Variants in GCGR observed in about 807,000 individuals in gnomAD.
The protein encoded by GCGR is glucagon receptor.
GCGR carries 41 observed loss-of-function variants against 56.1 expected under a neutral mutation model. The observed-to-expected ratio is 0.73, with a 90% CI of 0.57 to 0.95. GCGR has a LOEUF of 0.95. Among genes scored for constraint, GCGR ranks in the 40% least tolerant of loss-of-function variants. The probability of loss-of-function intolerance (pLI) is 0.00; values close to 1 mark genes in which losing one functional copy is unlikely to be tolerated. For synonymous variants in GCGR, 278 were observed against 271.1 expected (o/e 1.03, Z -0.25); for missense variants, 595 against 638.2 (o/e 0.93, Z 0.73).
rs776486195 is a variant in GCGR, at chr17:81,811,764, C to A, written c.771C>A (p.Thr257=). 1 of 1,538,618 alleles carries A rather than the reference C, an allele frequency of 6.5e-7. No homozygotes were observed. Among genetic ancestry groups the A allele is most frequent in the Non-Finnish European group, 8.7e-7 (1 of 1,147,938 alleles). The change falls in exon 8 of 14, where the codon ACC becomes ACA. Residue 257 remains threonine, a synonymous_variant. Transcript: ENST00000400723. This position sits in a 1 kb window ranked among gnomAD's most constrained non-coding sequence, Gnocchi z 5.8. ...LYLHNLLGLA[T]LPERSFFSLY... ...TGCACAACCTGCTGGGCCTGGCCACCCTCCCCGAGAGGAGCTTCTTCAGCC... is the reference window on the plus strand; with the variant it reads ...TGCACAACCTGCTGGGCCTGGCCACACTCCCCGAGAGGAGCTTCTTCAGCC...
intron 1 of GCGR, among the ~76,000 whole-genome samples, chr17:81,807,048 G>C (rs894613591): frequency 6.6e-6 from 1 of 151,898 alleles, no homozygotes. Context: ...CACCCAGCCC[G>C]GCTCAGTGGC....
intron 2 of GCGR, among the ~76,000 whole-genome samples, chr17:81,809,532 T>C (rs938772503): frequency 5.4e-5 from 8 of 146,900 alleles, no homozygotes; most frequent in African/African-American, 2.0e-4. Flanking sequence ...CCTGTCTGCC[T>C]GTCTGCCCGT....
rs539635331 is a variant in GCGR at position 81,809,356 on chromosome 17, C to T, written c.60+278C>T. Among the ~76,000 whole-genome samples, 154 of 149,362 alleles carry T rather than the reference C, an allele frequency of 1.0e-3. 1 individual carries two copies. Among genetic ancestry groups the T allele is most frequent in the African/African-American group, 3.3e-3 (131 of 40,282 alleles). On this transcript the variant is annotated intron_variant, in intron 2 of 13. Coordinates refer to ENST00000400723, the MANE Select transcript of GCGR (RefSeq NM_000160.5). ...TCCATCTGCCTGCCTGTCTGTCGGC[C>T]TGCCTGCCTGCCTGTCTGTCTGCTG... is the stretch of plus-strand genomic sequence containing the variant.
intron 1 of GCGR, among the ~76,000 whole-genome samples, chr17:81,805,596 C>T (rs1363448664): frequency 1.3e-5 from 2 of 150,328 alleles, no homozygotes; most frequent in Non-Finnish European, 1.5e-5. Context: ...CGGGAACCCC[C>T]GCATTGGGCA....
Position 81,811,271 on chromosome 17 carries a change from G to T in GCGR, c.443G>T (p.Gly148Val). ...YSSFQVMYTV[G>V]YSLSLGALLL... ...AGCTTCCAGGTGATGTACACAGTGGGCTACAGCCTGTCCCTGGGGGCCCTG... is the reference window on the plus strand; with the variant it reads ...AGCTTCCAGGTGATGTACACAGTGGTCTACAGCCTGTCCCTGGGGGCCCTG... Residue 148 changes from glycine to valine, a missense_variant, in exon 6 of 14, where the codon GGC becomes GTC. Gly to Val is a moderately radical substitution (Grantham distance 109). Coordinates refer to ENST00000400723, the MANE Select transcript of GCGR (RefSeq NM_000160.5). This position sits in a 1 kb window ranked among gnomAD's most constrained non-coding sequence, Gnocchi z 5.8. 6.5e-7 allele frequency: 1 copy of T among 1,536,170 alleles called. No individual in the cohort carries two copies. The highest frequency in any genetic ancestry group is 8.7e-7 in the Non-Finnish European group (1 of 1,146,756).
In GCGR at chr17:81,811,048, G is replaced by A. The variant is rs1377157654; in HGVS notation, c.310G>A (p.Gly104Ser). The A allele has an allele frequency of 8.5e-6, 13 of 1,536,090 alleles. No individual in the cohort carries two copies. The highest frequency in any genetic ancestry group is 2.0e-5 in the Admixed American group (1 of 50,992). ...CGTGTTCAAGAGATGCGGGCCCGAC[G>A]GTCAGTGGGTGCGTGGACCCCGGGG... The part of the protein sequence containing the change: ...RFVFKRCGPD[G>S]QWVRGPRGQP... The change falls in exon 5 of 14, where the codon GGT (glycine) becomes AGT (serine). Residue 104 changes from glycine to serine, a missense_variant. Coordinates refer to ENST00000400723, the MANE Select transcript of GCGR (RefSeq NM_000160.5). This position sits in a 1 kb window ranked among gnomAD's most constrained non-coding sequence, Gnocchi z 5.8.
At position 81,813,115 on chromosome 17, in the gene GCGR, G is replaced by C; in HGVS notation, c.1218+58G>C. On this transcript the variant is annotated intron_variant, in intron 13 of 13. Coordinates refer to ENST00000400723, the MANE Select transcript of GCGR (RefSeq NM_000160.5). The surrounding 1 kb of genome is among the most constrained non-coding windows in gnomAD (Gnocchi z 5.3). Reference sequence around the variant, plus strand: ...GCACTGGCCGTCGGGGTCAGGGGCAGAGAGAGGCACAGGGATGCCAGCCCC... The same window carrying C: ...GCACTGGCCGTCGGGGTCAGGGGCACAGAGAGGCACAGGGATGCCAGCCCC... The C allele has an allele frequency of 5.9e-6, 9 of 1,534,024 alleles. No homozygotes were observed. The highest frequency in any genetic ancestry group is 4.4e-6 in the Non-Finnish European group (5 of 1,146,304).
At position 81,804,831 on chromosome 17, in the gene GCGR, C is replaced by T. The variant is rs781126477; in HGVS notation, c.-178+582C>T. 6.6e-6 allele frequency among the ~76,000 whole-genome samples: 1 copy of T among 152,174 alleles called. No individual in the cohort carries two copies. Among genetic ancestry groups the T allele is most frequent in the Non-Finnish European group, 1.5e-5 (1 of 67,998 alleles). On this transcript the variant is annotated intron_variant, in intron 1 of 13. Transcript: ENST00000400723. This position sits in a 1 kb window ranked among gnomAD's most constrained non-coding sequence, Gnocchi z 8.2. The stretch of plus-strand genomic sequence containing the variant: ...CACTGCCCTGCCCGGCTCCGGCCCC[C>T]CCGGCGCCCCACCACCCGGCCGACT...
chr17:81,813,502 A>G lies in GCGR; in HGVS notation c.1247A>G (p.His416Arg), dbSNP rs137897678. ...CAGTCGGAGCTGCGGCGGCGTTGGC[A>G]CCGCTGGCGCCTGGGCAAAGTGCTA... The part of the protein sequence containing the change: ...EVQSELRRRW[H>R]RWRLGKVLWE... The change falls in exon 14 of 14, where the codon CAC (histidine) becomes CGC (arginine). Residue 416 changes from histidine to arginine, a missense_variant. Physicochemically the swap from His to Arg is conservative, Grantham distance 29 (BLOSUM62 0). Coordinates refer to ENST00000400723, the MANE Select transcript of GCGR (RefSeq NM_000160.5). This position sits in a 1 kb window ranked among gnomAD's most constrained non-coding sequence, Gnocchi z 5.3. 378 of 1,535,378 alleles carry G rather than the reference A, an allele frequency of 2.5e-4. 4 individuals are homozygous for G. The African/African-American group carries it at 4.0e-3, about 16-fold the overall frequency.
Position 81,811,231 on chromosome 17 carries a change from G to GTGCACA in GCGR, c.403_404insTGCACA (p.Ala135delinsValHisThr). On this transcript the variant is annotated protein_altering_variant, in exon 6 of 14. Coordinates refer to ENST00000400723, the MANE Select transcript of GCGR (RefSeq NM_000160.5). This position sits in a 1 kb window ranked among gnomAD's most constrained non-coding sequence, Gnocchi z 5.8. The stretch of plus-strand genomic sequence containing the variant: ...CCACTGTAACTCGCAGAAGGAGGTG[G>GTGCACA]CCAAGATGTACAGCAGCTTCCAGGT... 1 of 1,536,262 alleles carries GTGCACA rather than the reference G, an allele frequency of 6.5e-7. No homozygotes were observed. The highest frequency in any genetic ancestry group is 8.7e-7 in the Non-Finnish European group (1 of 1,146,752).
Position 81,813,642 on chromosome 17 carries a change from A to AC in GCGR, c.1392dup (p.Ala466GlyfsTer6), listed in dbSNP as rs1350606023. ...TGGCAGCCAGGATTCATCTGCGGAG[A>AC]CCCCCTTGGCTGGTGGCCTCCCTAG... On this transcript the variant is annotated frameshift_variant, in exon 14 of 14. Coordinates refer to ENST00000400723, the MANE Select transcript of GCGR (RefSeq NM_000160.5). LOFTEE classifies it low-confidence loss of function (END_TRUNC). The surrounding 1 kb of genome is among the most constrained non-coding windows in gnomAD (Gnocchi z 5.3). 1 of 1,535,622 alleles carries AC rather than the reference A, an allele frequency of 6.5e-7. No individual in the cohort carries two copies. Among genetic ancestry groups the AC allele is most frequent in the Admixed American group, 2.0e-5 (1 of 50,928 alleles).
In GCGR at chr17:81,812,913, C is replaced by T; in HGVS notation, c.1144C>T (p.Leu382Phe). Residue 382 changes from leucine (L) to phenylalanine (F), a missense_variant, in exon 12 of 14, where the codon CTC becomes TTC. By Grantham distance (22) the Leu-to-Phe change is conservative. Coordinates refer to ENST00000400723, the MANE Select transcript of GCGR (RefSeq NM_000160.5). This position sits in a 1 kb window ranked among gnomAD's most constrained non-coding sequence, Gnocchi z 8.5. ...CCAGGGCACCCTGCGCTCCGCCAAGCTCTTCTTCGACCTCTTCCTCAGCTC... is the reference window on the plus strand; with the variant it reads ...CCAGGGCACCCTGCGCTCCGCCAAGTTCTTCTTCGACCTCTTCCTCAGCTC... ...HAQGTLRSAK[L>F]FFDLFLSSFQ... 1 of 1,536,134 alleles carries T rather than the reference C, an allele frequency of 6.5e-7. No individual in the cohort carries two copies. The highest frequency in any genetic ancestry group is 2.4e-5 in the East Asian group (1 of 40,912).
rs888606870 is a variant in GCGR, at chr17:81,804,710, C to T, written c.-178+461C>T. The stretch of plus-strand genomic sequence containing the variant: ...TGCCCCGAGGACTGCCCGGTGGCAC[C>T]GGCGCGGCCCAGGATGGGGTGAGGG... On this transcript the variant is annotated intron_variant, in intron 1 of 13. Transcript: ENST00000400723. The surrounding 1 kb of genome is among the most constrained non-coding windows in gnomAD (Gnocchi z 8.2). Among the ~76,000 whole-genome samples, 6 of 152,058 alleles carry T rather than the reference C, an allele frequency of 3.9e-5. No homozygotes were observed. Among genetic ancestry groups the T allele is most frequent in the African/African-American group, 7.2e-5 (3 of 41,410 alleles).
Position 81,809,179 on chromosome 17 carries a change from CCTGT to C in GCGR, c.60+113_60+116del, listed in dbSNP as rs567365898. ...GCCTGCCTGCCTGCCTGTCTGCCTG[CCTGT>C]CTGTCTGTCTGCCCGTCTGCCTGCC... On this transcript the variant is annotated intron_variant, in intron 2 of 13. Coordinates refer to ENST00000400723, the MANE Select transcript of GCGR (RefSeq NM_000160.5). 1.8e-3 allele frequency: 2,533 copies of C among 1,381,960 alleles called. 24 individuals are homozygous for C. The African/African-American group carries it at 0.023, about 13-fold the overall frequency. The allele number at this position is 1,381,960 out of a possible 1,614,324, so 85.6% of individuals were successfully genotyped here.
At chr17:81,808,037 G>T (rs1440253033) in intron 1 of GCGR, among the ~76,000 whole-genome samples, 1 of 152,218 alleles carries the variant, frequency 6.6e-6, no homozygotes, top group Non-Finnish European at 1.5e-5. Context: ...ATGGGATCCA[G>T]GAAGCCCAAC....
In GCGR at chr17:81,811,214, A is replaced by G; in HGVS notation, c.394-8A>G. 1 of 1,536,170 alleles carries G rather than the reference A, an allele frequency of 6.5e-7. No individual in the cohort carries two copies. Among genetic ancestry groups the G allele is most frequent in the Non-Finnish European group, 8.7e-7 (1 of 1,146,786 alleles). On this transcript the variant is annotated splice_polypyrimidine_tract_variant and splice_region_variant and intron_variant, in intron 5 of 13. Transcript: ENST00000400723. The surrounding 1 kb of genome is among the most constrained non-coding windows in gnomAD (Gnocchi z 5.8). ...TGCCTGGCCCTCACAGGCCACTGTA[A>G]CTCGCAGAAGGAGGTGGCCAAGATG...
In GCGR at chr17:81,811,705, A is replaced by G; in HGVS notation, c.712A>G (p.Asn238Asp). The G allele has an allele frequency of 6.5e-7, 1 of 1,543,616 alleles. No individual in the cohort carries two copies. Among genetic ancestry groups the G allele is most frequent in the Non-Finnish European group, 8.7e-7 (1 of 1,151,150 alleles). The change falls in exon 8 of 14, where the codon AAC (asparagine) becomes GAC (aspartate). Residue 238 changes from asparagine to aspartate, a missense_variant. By Grantham distance (23) the Asn-to-Asp change is conservative. Coordinates refer to ENST00000400723, the MANE Select transcript of GCGR (RefSeq NM_000160.5). The surrounding 1 kb of genome is among the most constrained non-coding windows in gnomAD (Gnocchi z 5.8). ...GTTCATGCAATATGGCATCGTGGCC[A>G]ACTACTGCTGGCTGCTGGTGGAGGG... ...AVFMQYGIVA[N>D]YCWLLVEGLY...
chr17:81,807,107 C>A (rs534573164), intron 1 of GCGR, among the ~76,000 whole-genome samples: 2 of 152,234 alleles, frequency 1.3e-5, no homozygotes, highest in East Asian at 3.9e-4. Flanking sequence ...TGATCAGGAT[C>A]AGGGAAGATA....
chr17:81,809,713 G>C, intron 2 of GCGR, 69 bp from the exon 3 acceptor site: 1 of 1,251,426 alleles, frequency 8.0e-7, no homozygotes, highest in South Asian at 1.3e-5. Flanking sequence ...CTGTCTGCCT[G>C]TCTGTCTGCC....
Sources: gnomAD v4.1 joint callset for allele counts (sites outside exome capture counted in the v4.1 genomes callset) on GRCh38, gnomAD v4.1.1 for gene constraint, Gnocchi (gnomAD v3.1) non-coding constraint, MANE v1.5 for transcripts, NCBI Gene and HGNC (gene_info 2026-07-23, HGNC 2026-07-21) for gene names.